LRRTM4: variants seen among roughly 807,000 people sequenced by gnomAD.
LRRTM4 encodes leucine rich repeat transmembrane neuronal 4, also known as leucine-rich repeat transmembrane neuronal protein 4.
LRRTM4 carries 25 observed loss-of-function variants against 47.6 expected under a neutral mutation model. The observed-to-expected ratio is 0.53, with a 90% confidence interval of 0.38 to 0.73. The LOEUF (loss-of-function observed/expected upper bound fraction) is 0.73, where lower values mean the gene tolerates loss of function less well. Among genes scored for constraint, LRRTM4 ranks in the 30% least tolerant of loss-of-function variants. The pLI is 0.00. For synonymous variants in LRRTM4, 311 were observed against 269.5 expected (o/e 1.15, Z -1.51); for missense variants, 638 against 713.4 (o/e 0.89, Z 1.20).
chr2:77,138,957 G>A (rs1009789458), intron 3 of LRRTM4, among the ~76,000 whole-genome samples: 2 of 152,012 alleles, frequency 1.3e-5, no homozygotes, highest in African/African-American at 4.8e-5. Flanking sequence ...CCAATAATAG[G>A]CTCTGAAATT....
intron 3 of LRRTM4, among the ~76,000 whole-genome samples, chr2:76,875,153 G>C (rs1672742672): frequency 6.6e-6 from 1 of 152,014 alleles, no homozygotes; most frequent in African/African-American, 2.4e-5. Context: ...TTCACTAAAG[G>C]ACAAATATTT....
intron 3 of LRRTM4, among the ~76,000 whole-genome samples, chr2:77,118,771 A>C (rs1254238764): frequency 6.6e-6 from 1 of 151,830 alleles, no homozygotes; most frequent in African/African-American, 2.4e-5. Context: ...TCAAATTTTT[A>C]GGCATCCATT....
At chr2:77,510,017 C>T (rs1678922999) in intron 3 of LRRTM4, among the ~76,000 whole-genome samples, 1 of 151,996 alleles carries the variant, frequency 6.6e-6, no homozygotes, top group Admixed American at 6.6e-5. Flanking sequence ...ATCATTTTTT[C>T]ATCTATGGTG....
chr2:77,126,526 A>G (rs1332415556), intron 3 of LRRTM4, among the ~76,000 whole-genome samples: 1 of 152,190 alleles, frequency 6.6e-6, no homozygotes, highest in African/African-American at 2.4e-5. Flanking sequence ...AAAGCTACGT[A>G]TAATGGTGAT....
chr2:77,320,729 T>A (rs1396633016), intron 3 of LRRTM4, among the ~76,000 whole-genome samples: 2 of 152,054 alleles, frequency 1.3e-5, no homozygotes, highest in Non-Finnish European at 2.9e-5. Flanking sequence ...TTATTTAAAA[T>A]TTTTAATGTT....
At chr2:77,002,839 C>G (rs1472399680) in intron 3 of LRRTM4, among the ~76,000 whole-genome samples, 1 of 152,132 alleles carries the variant, frequency 6.6e-6, no homozygotes, top group South Asian at 2.1e-4. Context: ...CCCATCAATA[C>G]TCTTCATCAC....
intron 3 of LRRTM4, among the ~76,000 whole-genome samples, chr2:77,039,563 A>G (rs956637910): frequency 6.6e-6 from 1 of 151,324 alleles, no homozygotes; most frequent in Non-Finnish European, 1.5e-5. Flanking sequence ...TATGTAAAAC[A>G]AACACCTCCC....
intron 3 of LRRTM4, among the ~76,000 whole-genome samples, chr2:77,092,304 C>T (rs1228918301): frequency 6.6e-6 from 1 of 151,998 alleles, no homozygotes; most frequent in East Asian, 1.9e-4. Flanking sequence ...ACATTCACCC[C>T]ATTTCCCCAA....
chr2:77,387,185 TATC>T (rs1673312220), intron 3 of LRRTM4, among the ~76,000 whole-genome samples: 1 of 152,164 alleles, frequency 6.6e-6, no homozygotes, highest in African/African-American at 2.4e-5. Context: ...TGCCATGAAA[TATC>T]ATAGGCATTT....
At chr2:77,107,883 C>G (rs138426353) in intron 3 of LRRTM4, among the ~76,000 whole-genome samples, 1 of 149,614 alleles carries the variant, frequency 6.7e-6, no homozygotes, top group Admixed American at 6.6e-5. Context: ...TTCTGTATAG[C>G]TCTTGGTTTA....
At chr2:77,475,875 G>T (rs1194153584) in intron 3 of LRRTM4, among the ~76,000 whole-genome samples, 1 of 151,630 alleles carries the variant, frequency 6.6e-6, no homozygotes, top group Non-Finnish European at 1.5e-5. Flanking sequence ...CCCTCAGATT[G>T]CCTGTTTACA....
chr2:77,027,800 T>G (rs1438006781), intron 3 of LRRTM4, among the ~76,000 whole-genome samples: 1 of 152,178 alleles, frequency 6.6e-6, no homozygotes, highest in African/African-American at 2.4e-5. Context: ...AATTATAGCA[T>G]GTTTGTACAA....
intron 3 of LRRTM4, among the ~76,000 whole-genome samples, chr2:77,220,385 G>A (rs921500734): frequency 6.6e-6 from 1 of 152,292 alleles, no homozygotes; most frequent in East Asian, 1.9e-4. Flanking sequence ...AGAGAAGAAG[G>A]CTTCCGAAGA....
At chr2:77,184,802 G>A (rs1341150014) in intron 3 of LRRTM4, among the ~76,000 whole-genome samples, 1 of 152,096 alleles carries the variant, frequency 6.6e-6, no homozygotes, top group African/African-American at 2.4e-5. Context: ...TTGGTCCTAT[G>A]CTATTAAAAC....
chr2:76,856,548 C>T (rs1394549021), intron 3 of LRRTM4, among the ~76,000 whole-genome samples: 1 of 151,954 alleles, frequency 6.6e-6, no homozygotes, highest in East Asian at 1.9e-4. Context: ...AGAATTTAAT[C>T]CTGCTTTGTG....
chr2:77,132,619 G>A (rs1671831853), intron 3 of LRRTM4, among the ~76,000 whole-genome samples: 1 of 152,136 alleles, frequency 6.6e-6, no homozygotes, highest in East Asian at 1.9e-4. Flanking sequence ...TCCTCCAGAG[G>A]GGACACGTGC....
intron 3 of LRRTM4, among the ~76,000 whole-genome samples, chr2:76,850,536 G>A (rs941364287): frequency 6.6e-6 from 1 of 152,184 alleles, no homozygotes; most frequent in Admixed American, 6.6e-5. Context: ...TTACTGCAGA[G>A]ATTAAATGAT....
intron 3 of LRRTM4, among the ~76,000 whole-genome samples, chr2:76,841,864 A>T (rs1480254009): frequency 1.3e-5 from 2 of 152,178 alleles, no homozygotes; most frequent in African/African-American, 4.8e-5. Context: ...ACTTTCACAT[A>T]TCAAATCTGA....
chr2:77,419,640 T>A (rs1674791291), intron 3 of LRRTM4, among the ~76,000 whole-genome samples: 1 of 152,114 alleles, frequency 6.6e-6, no homozygotes, highest in South Asian at 2.1e-4. Flanking sequence ...TCCATGGATG[T>A]AAAAAAATCA....
Sources: gnomAD v4.1 joint callset for allele counts (sites outside exome capture counted in the v4.1 genomes callset) on GRCh38, gnomAD v4.1.1 for gene constraint, MANE v1.5 for transcripts, NCBI Gene and HGNC (gene_info 2026-07-23, HGNC 2026-07-21) for gene names.